Variants in HOXB3 observed in about 807,000 individuals in gnomAD.
HOXB3 encodes the protein homeobox B3.
HOXB3 carries 17 observed loss-of-function variants against 29.2 expected under a neutral mutation model. That is an observed-to-expected ratio of 0.58 (90% CI 0.40 to 0.87). The LOEUF is 0.87. Ranked by LOEUF, HOXB3 falls within the 40% of genes least tolerant of loss-of-function variation. HOXB3 has a pLI of 0.00. For missense variants in HOXB3, 637 were observed against 616.3 expected (o/e 1.03, Z -0.35); for synonymous variants, 317 against 285.9 (o/e 1.11, Z -1.10).
chr17:48,550,486 CGGAA>C lies in HOXB3; in HGVS notation c.1140_1143del (p.Ser381GlyfsTer47). On this transcript the variant is annotated frameshift_variant, in exon 5 of 5. Coordinates refer to ENST00000498678, the MANE Select transcript of HOXB3 (RefSeq NM_001384749.1). LOFTEE classifies it high-confidence loss of function. ...GGCGCCCCGTTGTAGTCCAGGTTCC[CGGAA>C]GGGTGATGGGAAAGGTGGTTGAGGC... is the stretch of plus-strand genomic sequence containing the variant. The C allele has an allele frequency of 2.5e-6, 4 of 1,607,326 alleles. No individual in the cohort carries two copies. The highest frequency in any genetic ancestry group is 3.4e-6 in the Non-Finnish European group (4 of 1,178,326).
At chr17:48,578,254 T>C (rs1376617983) in intron 1 of HOXB3, 2 of 1,614,020 alleles carry the variant, frequency 1.2e-6, no homozygotes, top group Non-Finnish European at 8.5e-7. Context: ...TCTGTGAATA[T>C]TCCTCGCATG....
intron 1 of HOXB3, chr17:48,577,964 G>T: frequency 1.5e-6 from 2 of 1,315,214 alleles, no homozygotes; most frequent in Non-Finnish European, 9.7e-7. Context: ...GCAGGGAGGC[G>T]GCGGGGGGCT....
chr17:48,558,205 G>A (rs2069066685), intron 2 of HOXB3, among the ~76,000 whole-genome samples: 1 of 152,158 alleles, frequency 6.6e-6, no homozygotes, highest in African/African-American at 2.4e-5. Flanking sequence ...GAGTCCAGAA[G>A]GCACCCAGGC....
intron 2 of HOXB3, among the ~76,000 whole-genome samples, chr17:48,561,913 T>C (rs1384122922): frequency 1.3e-5 from 2 of 152,224 alleles, no homozygotes; most frequent in Non-Finnish European, 2.9e-5. Flanking sequence ...ATGTTAGTGA[T>C]TCTCCATGTG....
intron 3 of HOXB3, chr17:48,553,665 A>T (rs2068851406): frequency 6.6e-6 from 1 of 151,960 alleles, no homozygotes; most frequent in Admixed American, 6.6e-5. Context: ...TCTAGGTTAG[A>T]AACAGAGGTA....
At chr17:48,580,165 T>G (rs2069897991) in intron 1 of HOXB3, 1 of 249,868 alleles carries the variant, frequency 4.0e-6, no homozygotes, top group African/African-American at 2.4e-5. Context: ...GAACCTTGCC[T>G]CCGCCGCCGC....
intron 1 of HOXB3, 128 bp from the exon 2 acceptor site, chr17:48,574,142 A>AT: frequency 2.3e-6 from 1 of 433,466 alleles, no homozygotes; most frequent in Admixed American, 4.1e-5. Flanking sequence ...TTTAAGCTCC[A>AT]TAGAAATCTT....
intron 1 of HOXB3, chr17:48,577,137 C>A: frequency 9.7e-7 from 1 of 1,032,330 alleles, no homozygotes; most frequent in South Asian, 1.6e-5. Context: ...CCTCTTCTTC[C>A]TTCTGAGGGA....
chr17:48,577,983 C>G, intron 1 of HOXB3: 1 of 1,307,956 alleles, frequency 7.6e-7, no homozygotes. Flanking sequence ...CTGCTGCTGA[C>G]CGCCTCGCAG....
rs1246564580 is a variant in HOXB3, at chr17:48,549,329, C to T, written c.*1005G>A. On this transcript the variant is annotated 3_prime_UTR_variant, in exon 5 of 5. Coordinates refer to ENST00000498678, the MANE Select transcript of HOXB3 (RefSeq NM_001384749.1). ...TTTTTTGAGCAATGCTGGACTTCTG[C>T]AGGCCCAGACATCTCTCACAGTTGT... 1 of 152,560 alleles carries T rather than the reference C, an allele frequency of 6.6e-6. No individual in the cohort carries two copies. Among genetic ancestry groups the T allele is most frequent in the African/African-American group, 2.4e-5 (1 of 41,432 alleles). 9.5% of individuals were successfully genotyped at this position (152,560 alleles called of 1,614,324 possible). A position where few individuals can be genotyped will look rare whatever the true frequency, so the allele number is the denominator to read the frequency against.
At chr17:48,569,048 T>C (rs988470343) in intron 2 of HOXB3, among the ~76,000 whole-genome samples, 5 of 118,754 alleles carry the variant, frequency 4.2e-5, no homozygotes, top group Admixed American at 9.1e-5. Flanking sequence ...TCTCTCTCTC[T>C]CCCTCTCTCT....
chr17:48,588,758 C>T (rs1041338064), intron 1 of HOXB3, among the ~76,000 whole-genome samples: 1 of 152,140 alleles, frequency 6.6e-6, no homozygotes, highest in African/African-American at 2.4e-5. Flanking sequence ...CTCTTAAAGC[C>T]TGTTAAGGAT....
chr17:48,561,176 G>A (rs375450882), intron 2 of HOXB3, among the ~76,000 whole-genome samples: 56 of 49,260 alleles, frequency 1.1e-3, no homozygotes, highest in African/African-American at 2.4e-3. Flanking sequence ...GCGAAACTCC[G>A]TCTCAAAACA....
chr17:48,552,664 G>C, intron 3 of HOXB3, 32 bp from the exon 4 acceptor site: 1 of 544,018 alleles, frequency 1.8e-6, no homozygotes. Flanking sequence ...ACAAGGGGGA[G>C]AAGAGGACTG....
chr17:48,562,491 G>A (rs2069233351), intron 2 of HOXB3, among the ~76,000 whole-genome samples: 1 of 152,128 alleles, frequency 6.6e-6, no homozygotes, highest in African/African-American at 2.4e-5. Flanking sequence ...AGCTGTGCTG[G>A]GCTCCAGGTC....
chr17:48,576,587 A>T, intron 1 of HOXB3: 1 of 720,174 alleles, frequency 1.4e-6, no homozygotes, highest in Non-Finnish European at 2.2e-6. Flanking sequence ...GTTTATTCGT[A>T]TATAAAGTGT....
intron 2 of HOXB3, among the ~76,000 whole-genome samples, chr17:48,568,607 A>G (rs938460973): frequency 1.3e-5 from 2 of 151,242 alleles, no homozygotes. Context: ...AAACAACACA[A>G]CTCGCTCACA....
At chr17:48,553,207 GACA>G (rs10554930) in intron 3 of HOXB3, 35,204 of 152,294 alleles carry the variant, frequency 0.23, 4,336 homozygotes, top group African/African-American at 0.31. Context: ...CCACCAGGAA[GACA>G]ACAACAGCCT....
intron 2 of HOXB3, among the ~76,000 whole-genome samples, chr17:48,559,000 A>G (rs1442112626): frequency 1.3e-5 from 2 of 151,548 alleles, no homozygotes. Context: ...AAATTGAGTA[A>G]GAGACAGAGA....
Sources: allele counts gnomAD v4.1 joint callset (sites outside exome capture counted in the v4.1 genomes callset), GRCh38; gene constraint gnomAD v4.1.1; transcripts MANE v1.5; gene names NCBI Gene and HGNC (gene_info 2026-07-23, HGNC 2026-07-21).